The following FAM118B variants were observed in gnomAD, a reference collection of about 807,000 sequenced individuals.
FAM118B encodes SIR2 antiphage like 1.
A neutral mutation model predicts 38.5 loss-of-function variants in FAM118B; 24 were observed. That is an observed-to-expected ratio of 0.62 (90% CI 0.45 to 0.88). The LOEUF (loss-of-function observed/expected upper bound fraction) is 0.88. Ranked by LOEUF, FAM118B falls within the 40% of genes least tolerant of loss-of-function variation. The pLI, the probability that FAM118B is intolerant of heterozygous loss-of-function variation, is 0.00. For missense variants in FAM118B, 334 were observed against 420.0 expected (o/e 0.80, Z 1.79); for synonymous variants, 138 against 156.3 (o/e 0.88, Z 0.87).
intron 7 of FAM118B, chr11:126,260,500 A>C (rs890355467): frequency 6.6e-5 from 10 of 151,440 alleles, no homozygotes; most frequent in African/African-American, 2.4e-4. Context: ...ATATTCCAGT[A>C]GGGGTGTTAC....
chr11:126,229,115 C>A (rs1172254149), intron 1 of FAM118B, 110 bp from the exon 2 acceptor site: 1 of 152,116 alleles, frequency 6.6e-6, no homozygotes, highest in Non-Finnish European at 1.5e-5. Context: ...TAATGAATAA[C>A]CTATGCCATT....
chr11:126,254,572 C>CCTATAA, intron 6 of FAM118B, 139 bp downstream of exon 6: 2 of 1,157,594 alleles, frequency 1.7e-6, no homozygotes, highest in Non-Finnish European at 2.4e-6. Context: ...GTGGCTCATG[C>CCTATAA]CTATAATCCC....
intron 4 of FAM118B, among the ~76,000 whole-genome samples, chr11:126,242,816 T>A (rs1950375389): frequency 6.6e-6 from 1 of 152,178 alleles, no homozygotes; most frequent in Non-Finnish European, 1.5e-5. Context: ...GATTGGCAGT[T>A]CCTCAAAAAG....
chr11:126,260,362 T>C (rs537794609), intron 7 of FAM118B: 1 of 151,590 alleles, frequency 6.6e-6, no homozygotes, highest in African/African-American at 2.4e-5. Flanking sequence ...GTTTTCCCTG[T>C]GCTTTTTTTC....
rs758439084 is a variant in FAM118B, at chr11:126,261,408, T to C, written c.983-17T>C. The C allele has an allele frequency of 3.7e-6, 6 of 1,612,100 alleles. No homozygotes were observed. Among genetic ancestry groups the C allele is most frequent in the Middle Eastern group, 1.6e-4 (1 of 6,080 alleles). On this transcript the variant is annotated splice_polypyrimidine_tract_variant and intron_variant, in intron 7 of 8. Transcript: ENST00000533050. ...AGCTTTTCAGTCTAATGTCTGATGC[T>C]GATGTCCTCTATTTAGCAGGGATGG...
intron 1 of FAM118B, chr11:126,214,496 T>G (rs917358406): frequency 2.6e-5 from 2 of 76,786 alleles, no homozygotes; most frequent in Non-Finnish European, 5.3e-5. Context: ...TTCTGTTTTT[T>G]TTTTTTGTTT....
At chr11:126,258,010 G>A (rs150847907) in intron 7 of FAM118B, among the ~76,000 whole-genome samples, 308 of 152,268 alleles carry the variant, frequency 2.0e-3, no homozygotes, top group Admixed American at 3.3e-3. Context: ...TGGCTAGTGT[G>A]ACTCATCCAT....
chr11:126,228,193 T>A (rs1480630498), intron 1 of FAM118B, among the ~76,000 whole-genome samples: 3 of 145,452 alleles, frequency 2.1e-5, no homozygotes, highest in African/African-American at 5.0e-5. Flanking sequence ...TTACTAAACA[T>A]TTTTTTTTTT....
intron 4 of FAM118B, among the ~76,000 whole-genome samples, chr11:126,249,087 A>T (rs1950461884): frequency 6.6e-6 from 1 of 152,188 alleles, no homozygotes; most frequent in African/African-American, 2.4e-5. Context: ...GTTAAGAAGT[A>T]GGAGGTCTGG....
In FAM118B at chr11:126,262,429, G is replaced by C; in HGVS notation, c.*296G>C. Reference sequence around the variant, plus strand: ...TTGTGTCCACACAGCACACCAATGTGATACTTCCACTGACCGGCTGCAGCT... The same window carrying C: ...TTGTGTCCACACAGCACACCAATGTCATACTTCCACTGACCGGCTGCAGCT... On this transcript the variant is annotated 3_prime_UTR_variant, in exon 9 of 9. Coordinates refer to ENST00000533050, the MANE Select transcript of FAM118B (RefSeq NM_024556.4). The C allele has an allele frequency of 2.4e-6, 1 of 423,594 alleles. No individual in the cohort carries two copies. The highest frequency in any genetic ancestry group is 4.2e-6 in the Non-Finnish European group (1 of 237,586). The allele number at this position is 423,594 out of a possible 1,614,324, so 26.2% of individuals were successfully genotyped here. A position where few individuals can be genotyped will look rare whatever the true frequency, so the allele number is the denominator to read the frequency against.
At chr11:126,254,775 G>A (rs1950550997) in intron 6 of FAM118B, among the ~76,000 whole-genome samples, 1 of 152,190 alleles carries the variant, frequency 6.6e-6, no homozygotes, top group Non-Finnish European at 1.5e-5. Flanking sequence ...GTAGTGAGCT[G>A]TGTCTAGAGC....
At chr11:126,260,729 G>A (rs1410388735) in intron 7 of FAM118B, 4 of 152,116 alleles carry the variant, frequency 2.6e-5, no homozygotes, top group Non-Finnish European at 5.9e-5. Context: ...GTATATTTGA[G>A]TACCATGCCT....
intron 1 of FAM118B, among the ~76,000 whole-genome samples, chr11:126,223,403 C>A (rs1340625516): frequency 6.6e-6 from 1 of 151,854 alleles, no homozygotes; most frequent in Non-Finnish European, 1.5e-5. Flanking sequence ...TCAAAACCAT[C>A]CTGGCTAACA....
chr11:126,223,663 T>C (rs973641010), intron 1 of FAM118B, among the ~76,000 whole-genome samples: 1 of 152,156 alleles, frequency 6.6e-6, no homozygotes, highest in Non-Finnish European at 1.5e-5. Context: ...ATTTAATATG[T>C]AAAATAAGAG....
intron 3 of FAM118B, among the ~76,000 whole-genome samples, chr11:126,235,487 G>T (rs1184148999): frequency 6.6e-6 from 1 of 151,700 alleles, no homozygotes; most frequent in East Asian, 1.9e-4. Flanking sequence ...CTCTCCCCAT[G>T]TTCTTGTATG....
chr11:126,217,020 C>T (rs1319749033), intron 1 of FAM118B, among the ~76,000 whole-genome samples: 2 of 152,226 alleles, frequency 1.3e-5, no homozygotes, highest in African/African-American at 4.8e-5. Flanking sequence ...CACACAAACA[C>T]AGGGACCATC....
chr11:126,211,746 C>A (rs1364053009), upstream of FAM118B: 3 of 1,311,058 alleles, frequency 2.3e-6, no homozygotes, highest in East Asian at 2.3e-5. Context: ...GGGGCCTGGG[C>A]GAGTCACGTG....
chr11:126,231,721 T>C (rs943477749), intron 2 of FAM118B, among the ~76,000 whole-genome samples: 2 of 152,182 alleles, frequency 1.3e-5, no homozygotes, highest in African/African-American at 4.8e-5. Flanking sequence ...AAGAAATAAG[T>C]CAGAAAGCTT....
rs768960926 is a variant in FAM118B, at chr11:126,244,791, G to A, written c.339+3747G>A. ...GCACTCCAGCCTGGGCAACAAGAGC[G>A]AAACTCCATCTCAAAAAATAAATAA... On this transcript the variant is annotated intron_variant, in intron 4 of 8. Transcript: ENST00000533050. This position sits in a 1 kb window ranked among gnomAD's most constrained non-coding sequence, Gnocchi z 4.5. 9.2e-5 allele frequency among the ~76,000 whole-genome samples: 14 copies of A among 151,384 alleles called. No individual in the cohort carries two copies. The highest frequency in any genetic ancestry group is 1.9e-4 in the African/African-American group (8 of 41,186).
Sources: gnomAD v4.1 joint callset for allele counts (sites outside exome capture counted in the v4.1 genomes callset) on GRCh38, gnomAD v4.1.1 for gene constraint, Gnocchi (gnomAD v3.1) non-coding constraint, MANE v1.5 for transcripts, NCBI Gene and HGNC (gene_info 2026-07-23, HGNC 2026-07-21) for gene names.